COMMD10: variants seen among roughly 807,000 people sequenced by gnomAD.
The protein encoded by COMMD10 is COMM domain-containing protein 10.
Under a neutral mutation model 28.9 loss-of-function variants are expected in COMMD10, and 33 were observed. The observed-to-expected ratio is 1.14, with a 90% CI of 0.87 to 1.53. The LOEUF (loss-of-function observed/expected upper bound fraction) is 1.53, where lower values mean the gene tolerates loss of function less well. Among genes scored for constraint, COMMD10 ranks in the 40% most tolerant of loss-of-function variants. The probability of loss-of-function intolerance (pLI) is 0.00; values close to 1 mark genes in which losing one functional copy is unlikely to be tolerated. For synonymous variants in COMMD10, 110 were observed against 81.7 expected, an observed-to-expected ratio of 1.35 and a Z score of -1.87; for missense variants, 310 against 233.4, an observed-to-expected ratio of 1.33 and a Z score of -2.14.
intron 5 of COMMD10, among the ~76,000 whole-genome samples, chr5:116,229,373 A>G (rs1749473157): frequency 6.6e-6 from 1 of 152,042 alleles, no homozygotes; most frequent in Non-Finnish European, 1.5e-5. Flanking sequence ...ATCAACATTG[A>G]TTGAGTAAAT....
intron 4 of COMMD10, among the ~76,000 whole-genome samples, chr5:116,129,749 A>ATATAC (rs1437420611): frequency 2.0e-4 from 27 of 132,776 alleles, no homozygotes; most frequent in Non-Finnish European, 3.2e-4. Flanking sequence ...TACAGTATAT[A>ATATAC]TATATACTAT....
chr5:116,089,848 G>A (rs1053955763), intron 2 of COMMD10, among the ~76,000 whole-genome samples: 2 of 152,182 alleles, frequency 1.3e-5, no homozygotes, highest in Non-Finnish European at 2.9e-5. Flanking sequence ...TACAGTTTCA[G>A]GGGATCTTCT....
At chr5:116,283,720 T>C (rs529828408) in intron 5 of COMMD10, among the ~76,000 whole-genome samples, 1 of 151,902 alleles carries the variant, frequency 6.6e-6, no homozygotes, top group Admixed American at 6.5e-5. Context: ...TTAGTCTTAC[T>C]GCATAATGGC....
At chr5:116,183,871 A>G (rs1748054701) in intron 5 of COMMD10, among the ~76,000 whole-genome samples, 1 of 152,116 alleles carries the variant, frequency 6.6e-6, no homozygotes, top group Admixed American at 6.6e-5. Context: ...ATTAGTGCTT[A>G]TTAGAAATGA....
In COMMD10 at chr5:116,182,184, A is replaced by G. The variant is rs548711811; in HGVS notation, c.510+48006A>G. Among the ~76,000 whole-genome samples the G allele has an allele frequency of 3.9e-5, 6 of 152,230 alleles. No individual in the cohort carries two copies. The East Asian group carries it at 1.2e-3, about 29-fold the overall frequency. On this transcript the variant is annotated intron_variant, in intron 5 of 6. Transcript: ENST00000274458. ...GGAGGGAGGCGCATTATTCAAGCAGACAATTGAATGTATACAGGCTTTGAG... is the reference window on the plus strand; with the variant it reads ...GGAGGGAGGCGCATTATTCAAGCAGGCAATTGAATGTATACAGGCTTTGAG...
In COMMD10 at chr5:116,268,665, C is replaced by T. The variant is rs142245923; in HGVS notation, c.511-22852C>T. Among the ~76,000 whole-genome samples the T allele has an allele frequency of 2.6e-5, 4 of 151,818 alleles. No homozygotes were observed. The South Asian group carries it at 6.2e-4, about 24-fold the overall frequency. On this transcript the variant is annotated intron_variant, in intron 5 of 6. Transcript: ENST00000274458. ...ACACACACATATGTTTATTGCGGCACTATTCACAATAGCAAAGACTTGGAA... is the reference window on the plus strand; with the variant it reads ...ACACACACATATGTTTATTGCGGCATTATTCACAATAGCAAAGACTTGGAA...
chr5:116,164,054 C>T (rs7717138), intron 5 of COMMD10, among the ~76,000 whole-genome samples: 2,300 of 152,226 alleles, frequency 0.015, 62 homozygotes, highest in African/African-American at 0.052. Flanking sequence ...TGGTGGCTCA[C>T]GTCTGTAATC....
intron 5 of COMMD10, among the ~76,000 whole-genome samples, chr5:116,193,293 A>G (rs1210053401): frequency 1.3e-5 from 2 of 152,234 alleles, no homozygotes; most frequent in African/African-American, 2.4e-5. Context: ...AAAGAGCCGG[A>G]TGAATGCAGT....
intron 5 of COMMD10, among the ~76,000 whole-genome samples, chr5:116,272,137 G>A (rs1269251886): frequency 1.3e-5 from 2 of 151,798 alleles, no homozygotes; most frequent in Non-Finnish European, 2.9e-5. Context: ...ACTTTTCTAA[G>A]CGATAATACC....
At chr5:116,240,332 A>G (rs950389367) in intron 5 of COMMD10, among the ~76,000 whole-genome samples, 2 of 152,286 alleles carry the variant, frequency 1.3e-5, no homozygotes, top group East Asian at 3.9e-4. Context: ...GAATGGAGGC[A>G]AAGGAAAGAA....
chr5:116,125,952 A>G (rs1337721799), intron 4 of COMMD10, among the ~76,000 whole-genome samples: 1 of 152,216 alleles, frequency 6.6e-6, no homozygotes, highest in Non-Finnish European at 1.5e-5. Context: ...AGAAAGAAAT[A>G]AAGGGTATTC....
At chr5:116,282,346 T>C (rs1751092950) in intron 5 of COMMD10, among the ~76,000 whole-genome samples, 1 of 151,976 alleles carries the variant, frequency 6.6e-6, no homozygotes, top group Admixed American at 6.6e-5. Flanking sequence ...CCTGGACTAA[T>C]GTAGTTTGGA....
At chr5:116,220,757 A>T (rs371086286) in intron 5 of COMMD10, among the ~76,000 whole-genome samples, 8 of 152,366 alleles carry the variant, frequency 5.3e-5, no homozygotes, top group African/African-American at 1.7e-4. Context: ...ACAACAAATA[A>T]TAACAGCTTA....
At chr5:116,194,652 C>G (rs953426249) in intron 5 of COMMD10, among the ~76,000 whole-genome samples, 9 of 152,096 alleles carry the variant, frequency 5.9e-5, no homozygotes, top group Admixed American at 5.9e-4. Context: ...AGACCAATAA[C>G]AAGCAGTGAG....
chr5:116,171,348 G>A (rs1038350222), intron 5 of COMMD10, among the ~76,000 whole-genome samples: 3 of 152,162 alleles, frequency 2.0e-5, no homozygotes, highest in African/African-American at 4.8e-5. Flanking sequence ...GAGAGGGTGT[G>A]GAGAAATAGA....
chr5:116,136,390 C>T (rs964331894), intron 5 of COMMD10, among the ~76,000 whole-genome samples: 1 of 152,106 alleles, frequency 6.6e-6, no homozygotes, highest in Non-Finnish European at 1.5e-5. Flanking sequence ...TATATACTTC[C>T]TTTGTTTTAT....
At chr5:116,235,043 C>G (rs1749625282) in intron 5 of COMMD10, among the ~76,000 whole-genome samples, 1 of 152,166 alleles carries the variant, frequency 6.6e-6, no homozygotes, top group Admixed American at 6.5e-5. Flanking sequence ...TGTAAAAGGA[C>G]ATAAAAATCA....
intron 6 of COMMD10, among the ~76,000 whole-genome samples, chr5:116,292,145 T>G (rs1751380834): frequency 6.6e-6 from 1 of 151,302 alleles, no homozygotes; most frequent in African/African-American, 2.4e-5. Context: ...ACCCCATGTC[T>G]CATTAAAAAA....
intron 5 of COMMD10, among the ~76,000 whole-genome samples, chr5:116,196,053 C>G (rs1748510126): frequency 6.6e-6 from 1 of 152,154 alleles, no homozygotes; most frequent in African/African-American, 2.4e-5. Flanking sequence ...AAAAGCAGAA[C>G]TACCATTTGA....
Sources: gnomAD v4.1 joint callset for allele counts (sites outside exome capture counted in the v4.1 genomes callset) on GRCh38, gnomAD v4.1.1 for gene constraint, MANE v1.5 for transcripts, NCBI Gene and HGNC (gene_info 2026-07-23, HGNC 2026-07-21) for gene names.